CCDC3: variants seen among roughly 807,000 people sequenced by gnomAD.
CCDC3 encodes the protein coiled-coil domain containing 3, also known as coiled-coil domain-containing protein 3.
In CCDC3, 24 loss-of-function variants were observed where a neutral mutation model predicts 21.4. That is an observed-to-expected ratio of 1.12 (90% CI 0.81 to 1.58). The LOEUF (loss-of-function observed/expected upper bound fraction) is 1.58, where lower values mean the gene tolerates loss of function less well. Among genes scored for constraint, CCDC3 ranks in the 40% most tolerant of loss-of-function variants. The pLI is 0.00. For synonymous variants in CCDC3, 186 were observed against 166.0 expected, an observed-to-expected ratio of 1.12 and a Z score of -0.93; for missense variants, 425 against 360.9, an observed-to-expected ratio of 1.18 and a Z score of -1.44.
At chr10:13,034,623 C>A (rs181304021) in intron 5 of CCDC3, among the ~76,000 whole-genome samples, 4 of 152,044 alleles carry the variant, frequency 2.6e-5, no homozygotes, top group East Asian at 1.9e-4. Context: ...TCCAATGGGA[C>A]CTTTTTTGTA....
At chr10:12,903,970 C>T (rs1334452284) in intron 2 of CCDC3, among the ~76,000 whole-genome samples, 6 of 152,280 alleles carry the variant, frequency 3.9e-5, no homozygotes, top group East Asian at 1.9e-4. Flanking sequence ...ATTGTTCCTA[C>T]GGGTATAAAT....
At chr10:13,034,983 G>C (rs1046543132) in intron 5 of CCDC3, among the ~76,000 whole-genome samples, 1 of 150,630 alleles carries the variant, frequency 6.6e-6, no homozygotes, top group African/African-American at 2.4e-5. Context: ...CCAAGATCAC[G>C]CCATTACACT....
chr10:13,051,681 G>C (rs892125700), intron 4 of CCDC3, among the ~76,000 whole-genome samples: 5 of 152,138 alleles, frequency 3.3e-5, no homozygotes, highest in South Asian at 2.1e-4. Context: ...GGGCAAGGCT[G>C]GGGTAGAAGG....
rs1834049788 is a variant in CCDC3, at chr10:12,898,762, G to GA, written c.550-84dup. 3 of 1,501,752 alleles carry GA rather than the reference G, an allele frequency of 2.0e-6. No individual in the cohort carries two copies. The African/African-American group carries it at 4.2e-5, about 21-fold the overall frequency. The allele number at this position is 1,501,752 out of a possible 1,614,324, so 93.0% of individuals were successfully genotyped here. A position where few individuals can be genotyped will look rare whatever the true frequency, so the allele number is the denominator to read the frequency against. On this transcript the variant is annotated intron_variant, in intron 2 of 2. Transcript: ENST00000378825. ...CCAGGGGAGTCCCAGAAGCTTCCCC[G>GA]AGTGCTGACAGCAACACAGACCCCG...
At chr10:13,011,074 A>G (rs1451036597) in intron 5 of CCDC3, among the ~76,000 whole-genome samples, 1 of 151,652 alleles carries the variant, frequency 6.6e-6, no homozygotes, top group Non-Finnish European at 1.5e-5. Flanking sequence ...CTAGCTACTC[A>G]GGAGGCTGAG....
rs71386143 is a variant in CCDC3 at position 13,054,154 on chromosome 10, C to CAA, written c.-269-4215_-269-4214dup. On this transcript the variant is annotated intron_variant, in intron 4 of 6. Transcript: ENST00000378839. ...AGAGAGAGAGAGAGAGACTCTGTAT[C>CAA]AAAAAAAAAAAAAAAAAAAGAGGAA... Among the ~76,000 whole-genome samples, 71 of 99,884 alleles carry CAA rather than the reference C, an allele frequency of 7.1e-4. 1 individual carries two copies. Among genetic ancestry groups the CAA allele is most frequent in the African/African-American group, 2.4e-3 (68 of 28,822 alleles). The allele number at this position is 99,884 out of a possible 152,430, so 65.5% of individuals were successfully genotyped here.
At chr10:12,913,982 T>C (rs1400499410) in intron 2 of CCDC3, among the ~76,000 whole-genome samples, 1 of 152,218 alleles carries the variant, frequency 6.6e-6, no homozygotes, top group Non-Finnish European at 1.5e-5. Flanking sequence ...GGATTCAGTT[T>C]ACTAGTATTT....
chr10:12,938,775 TA>T (rs1329598994), intron 2 of CCDC3, among the ~76,000 whole-genome samples: 1 of 152,188 alleles, frequency 6.6e-6, no homozygotes, highest in Non-Finnish European at 1.5e-5. Flanking sequence ...CAAAAGTAAC[TA>T]TTGTAACTAT....
At chr10:13,065,016 C>T (rs1395737048) in intron 4 of CCDC3, among the ~76,000 whole-genome samples, 1 of 152,054 alleles carries the variant, frequency 6.6e-6, no homozygotes, top group Non-Finnish European at 1.5e-5. Flanking sequence ...CAATTCTCAG[C>T]TTGACTTTCC....
intron 3 of CCDC3, among the ~76,000 whole-genome samples, chr10:13,090,475 CT>C (rs1832552376): frequency 6.6e-6 from 1 of 152,118 alleles, no homozygotes; most frequent in African/African-American, 2.4e-5. Flanking sequence ...GAATTCAGCC[CT>C]TTTAGAGGAG....
intron 5 of CCDC3, among the ~76,000 whole-genome samples, chr10:13,039,260 G>A (rs940300927): frequency 2.0e-5 from 3 of 151,980 alleles, no homozygotes; most frequent in African/African-American, 7.2e-5. Context: ...TACTAAACCC[G>A]CATATCTCAA....
intron 2 of CCDC3, among the ~76,000 whole-genome samples, chr10:12,969,247 A>T (rs1835305054): frequency 6.6e-6 from 1 of 152,214 alleles, no homozygotes; most frequent in Non-Finnish European, 1.5e-5. Context: ...GATTAAAACC[A>T]TAATGAACTG....
At chr10:13,050,894 C>T (rs998479330) in intron 4 of CCDC3, among the ~76,000 whole-genome samples, 7 of 152,068 alleles carry the variant, frequency 4.6e-5, no homozygotes, top group Non-Finnish European at 1.5e-5. Flanking sequence ...TCAAGTGATC[C>T]TCCCACCCCA....
chr10:13,030,328 G>A (rs1228018081), intron 5 of CCDC3, among the ~76,000 whole-genome samples: 2 of 152,122 alleles, frequency 1.3e-5, no homozygotes, highest in Admixed American at 1.3e-4. Context: ...CCTTACAAGA[G>A]CTCCTGAAGG....
chr10:12,899,441 T>C (rs1309368263), intron 2 of CCDC3, among the ~76,000 whole-genome samples: 1 of 152,196 alleles, frequency 6.6e-6, no homozygotes, highest in Non-Finnish European at 1.5e-5. Flanking sequence ...TACCCTTTGA[T>C]CTAGTAATTC....
rs564643301 is a variant in CCDC3, at chr10:12,914,602, G to A, written c.550-15923C>T. Among the ~76,000 whole-genome samples the A allele has an allele frequency of 2.0e-5, 3 of 152,018 alleles. No individual in the cohort carries two copies. The East Asian group carries it at 5.8e-4, about 29-fold the overall frequency. ...TGGGACTACAGGCATACACCACCAT[G>A]CCTGGTTAATTTTTTGTATTGTGTA... On this transcript the variant is annotated intron_variant, in intron 2 of 2. Coordinates refer to ENST00000378825, the MANE Select transcript of CCDC3 (RefSeq NM_031455.4).
intron 2 of CCDC3, among the ~76,000 whole-genome samples, chr10:12,983,586 AC>A (rs1266330665): frequency 5.3e-5 from 8 of 151,438 alleles, no homozygotes; most frequent in Non-Finnish European, 1.0e-4. Context: ...AAAAAAAAAA[AC>A]AAAAGAAAAC....
chr10:13,003,791 T>C (rs1432708232), upstream of CCDC3, among the ~76,000 whole-genome samples: 2 of 152,210 alleles, frequency 1.3e-5, no homozygotes, highest in Non-Finnish European at 2.9e-5. Flanking sequence ...TCAGCAAACA[T>C]GGCTGTTTTT....
chr10:12,930,698 C>G (rs1834624748), intron 2 of CCDC3, among the ~76,000 whole-genome samples: 1 of 152,140 alleles, frequency 6.6e-6, no homozygotes, highest in Non-Finnish European at 1.5e-5. Context: ...AGTTGGGGGA[C>G]TATGCTCCTG....
Sources: gnomAD v4.1 joint callset for allele counts (sites outside exome capture counted in the v4.1 genomes callset) on GRCh38, gnomAD v4.1.1 for gene constraint, MANE v1.5 for transcripts, NCBI Gene and HGNC (gene_info 2026-07-23, HGNC 2026-07-21) for gene names.